The following SDK1 variants were observed in gnomAD, a reference collection of about 807,000 sequenced individuals.
SDK1 encodes the protein protein sidekick-1.
A neutral mutation model predicts 245.5 loss-of-function variants in SDK1; 157 were observed. The ratio of observed to expected loss-of-function variants is 0.64; its 90% confidence interval spans 0.56 to 0.73. SDK1 has a LOEUF of 0.73. SDK1 is among the 30% of genes least tolerant of loss of function. The pLI, the probability that SDK1 is intolerant of heterozygous loss-of-function variation, is 0.00. For synonymous variants in SDK1, 1,647 were observed against 1,278.5 expected, an observed-to-expected ratio of 1.29 and a Z score of -6.15; for missense variants, 3,583 against 3,002.3, an observed-to-expected ratio of 1.19 and a Z score of -4.52.
At chr7:3,397,892 A>G (rs1281046732) in intron 1 of SDK1, among the ~76,000 whole-genome samples, 1 of 152,106 alleles carries the variant, frequency 6.6e-6, no homozygotes, top group African/African-American at 2.4e-5. Context: ...TGATAATTAC[A>G]TAATCTCTGC....
intron 13 of SDK1, among the ~76,000 whole-genome samples, chr7:3,986,902 C>A (rs975077866): frequency 6.6e-6 from 1 of 152,106 alleles, no homozygotes; most frequent in African/African-American, 2.4e-5. Context: ...ACGTCTGCGT[C>A]CCCTCCCCCT....
intron 4 of SDK1, among the ~76,000 whole-genome samples, chr7:3,803,706 T>A (rs1779168443): frequency 6.6e-6 from 1 of 152,026 alleles, no homozygotes; most frequent in African/African-American, 2.4e-5. Flanking sequence ...ATTTGTGTTT[T>A]GCAGATATTT....
intron 1 of SDK1, among the ~76,000 whole-genome samples, chr7:3,360,393 T>C: frequency 6.6e-6 from 1 of 152,208 alleles, no homozygotes; most frequent in East Asian, 1.9e-4. Flanking sequence ...AGCAATTAGA[T>C]TTAACAGAAC....
intron 18 of SDK1, among the ~76,000 whole-genome samples, chr7:4,050,658 C>A (rs1562729650): frequency 6.6e-6 from 1 of 152,078 alleles, no homozygotes; most frequent in Admixed American, 6.6e-5. Flanking sequence ...AAATTGTAAG[C>A]AGTCTCCTAA....
At chr7:3,604,650 T>C (rs1781363306) in intron 1 of SDK1, among the ~76,000 whole-genome samples, 1 of 148,842 alleles carries the variant, frequency 6.7e-6, no homozygotes, top group African/African-American at 2.5e-5. Context: ...TTGCCCAGGC[T>C]GGAGTGCAAT....
intron 4 of SDK1, among the ~76,000 whole-genome samples, chr7:3,795,691 A>G (rs1778945380): frequency 6.6e-6 from 1 of 152,120 alleles, no homozygotes; most frequent in Non-Finnish European, 1.5e-5. Context: ...TAGATTGAGG[A>G]CAGATACCTG....
intron 13 of SDK1, among the ~76,000 whole-genome samples, chr7:3,977,653 A>G (rs2128135480): frequency 6.6e-6 from 1 of 152,350 alleles, no homozygotes; most frequent in East Asian, 1.9e-4. Context: ...TTCAGTTACC[A>G]GGATGCTGCC....
At chr7:4,212,562 G>C (rs1218555987) in intron 38 of SDK1, among the ~76,000 whole-genome samples, 2 of 152,236 alleles carry the variant, frequency 1.3e-5, no homozygotes, top group Non-Finnish European at 2.9e-5. Context: ...GCCAGGATCT[G>C]TTGTGACCTT....
intron 17 of SDK1, among the ~76,000 whole-genome samples, chr7:4,028,666 C>A (rs1353368301): frequency 6.6e-6 from 1 of 152,242 alleles, no homozygotes; most frequent in Non-Finnish European, 1.5e-5. Flanking sequence ...CCACCTCTAG[C>A]TCTCTGGAGG....
chr7:4,154,196 A>G (rs1375452264), intron 30 of SDK1, among the ~76,000 whole-genome samples: 1 of 152,194 alleles, frequency 6.6e-6, no homozygotes, highest in Non-Finnish European at 1.5e-5. Context: ...ATTCCAGAAC[A>G]CTTTGGCTGT....
At chr7:3,361,204 G>A (rs73294209) in intron 1 of SDK1, among the ~76,000 whole-genome samples, 5 of 152,004 alleles carry the variant, frequency 3.3e-5, no homozygotes, top group South Asian at 2.1e-4. Context: ...TAAACTCTTC[G>A]GGAGATTGAA....
rs11505481 is a variant in SDK1, at chr7:3,781,309, C to G, written c.714-40141C>G. The stretch of plus-strand genomic sequence containing the variant: ...AAACAGGGAAGCCAGGCCCACAACC[C>G]CACCTGACATCAGAGCAAAAGCAGC... On this transcript the variant is annotated intron_variant, in intron 4 of 44. Transcript: ENST00000404826. Among the ~76,000 whole-genome samples the G allele has an allele frequency of 5.5e-3, 843 of 152,154 alleles. 9 individuals carry two copies. Among genetic ancestry groups the G allele is most frequent in the African/African-American group, 0.02 (810 of 41,512 alleles).
At chr7:3,581,665 T>G (rs1286774880) in intron 1 of SDK1, among the ~76,000 whole-genome samples, 1 of 152,184 alleles carries the variant, frequency 6.6e-6, no homozygotes, top group Non-Finnish European at 1.5e-5. Context: ...CAAAGGAATG[T>G]AAATCGTTCT....
At chr7:4,228,818 G>A (rs1003345970) in intron 40 of SDK1, among the ~76,000 whole-genome samples, 19 of 152,132 alleles carry the variant, frequency 1.2e-4, no homozygotes, top group African/African-American at 3.4e-4. Flanking sequence ...GATTACAGGC[G>A]GGAGCCACTG....
At chr7:3,941,907 CTTTTTT>C (rs72338979) in intron 5 of SDK1, among the ~76,000 whole-genome samples, 1 of 128,220 alleles carries the variant, frequency 7.8e-6, no homozygotes, top group South Asian at 2.6e-4. Flanking sequence ...AGACTTCATT[CTTTTTT>C]TTTTTTTTTT....
In SDK1 at chr7:3,657,100, G is replaced by C. The variant is rs531512712; in HGVS notation, c.713+14995G>C. Among the ~76,000 whole-genome samples, 118 of 152,272 alleles carry C rather than the reference G, an allele frequency of 7.7e-4. 1 individual carries two copies. The highest frequency in any genetic ancestry group is 1.4e-3 in the Non-Finnish European group (94 of 68,022). On this transcript the variant is annotated intron_variant, in intron 4 of 44. Coordinates refer to ENST00000404826, the MANE Select transcript of SDK1 (RefSeq NM_152744.4). ...CCTTCTCCCCCACAAAGGAGGAGGG[G>C]GAAAGCTGCCGTCTAGAAGGAACCC...
At chr7:3,524,640 TCA>T (rs1783060030) in intron 1 of SDK1, among the ~76,000 whole-genome samples, 1 of 152,154 alleles carries the variant, frequency 6.6e-6, no homozygotes, top group East Asian at 1.9e-4. Context: ...AATTGTGTTT[TCA>T]CACACACTGA....
At chr7:3,940,219 A>G (rs1780306357) in intron 5 of SDK1, among the ~76,000 whole-genome samples, 1 of 152,220 alleles carries the variant, frequency 6.6e-6, no homozygotes. Context: ...CCCTGGCTGC[A>G]GAAACTGACC....
At chr7:3,857,528 A>C (rs1473410343) in intron 5 of SDK1, among the ~76,000 whole-genome samples, 2 of 152,162 alleles carry the variant, frequency 1.3e-5, no homozygotes, top group African/African-American at 4.8e-5. Flanking sequence ...ACAAAAAATA[A>C]TAAAAGAAAT....
Sources: gnomAD v4.1 joint callset for allele counts (sites outside exome capture counted in the v4.1 genomes callset) on GRCh38, gnomAD v4.1.1 for gene constraint, MANE v1.5 for transcripts, NCBI Gene and HGNC (gene_info 2026-07-23, HGNC 2026-07-21) for gene names.